NRXN1: variants seen among roughly 807,000 people sequenced by gnomAD.
The protein encoded by NRXN1 is neurexin 1, also known as neurexin-1.
Under a neutral mutation model 150.9 loss-of-function variants are expected in NRXN1, and 39 were observed. That is an observed-to-expected ratio of 0.26 (90% CI 0.20 to 0.34). The LOEUF (loss-of-function observed/expected upper bound fraction) is 0.34, where lower values mean the gene tolerates loss of function less well. Among genes scored for constraint, NRXN1 ranks in the 10% least tolerant of loss-of-function variants. NRXN1 has a pLI of 1.00. For missense variants in NRXN1, 1,815 were observed against 1,949.9 expected, an observed-to-expected ratio of 0.93 and a Z score of 1.30; for synonymous variants, 924 against 757.0, an observed-to-expected ratio of 1.22 and a Z score of -3.62.
intron 5 of NRXN1, among the ~76,000 whole-genome samples, chr2:50,838,381 T>A (rs192234533): frequency 6.6e-6 from 1 of 152,242 alleles, no homozygotes. Flanking sequence ...ATGTAATGTT[T>A]TAAATTTATC....
chr2:50,523,779 G>A (rs1204378420), intron 12 of NRXN1, among the ~76,000 whole-genome samples: 2 of 152,186 alleles, frequency 1.3e-5, no homozygotes, highest in African/African-American at 4.8e-5. Context: ...TCAAGTACTT[G>A]TCCTTAGATG....
chr2:50,823,947 A>G (rs1319058866), intron 5 of NRXN1, among the ~76,000 whole-genome samples: 1 of 152,174 alleles, frequency 6.6e-6, no homozygotes, highest in Admixed American at 6.6e-5. Context: ...AACACTACCC[A>G]ACATCTATGG....
intron 5 of NRXN1, among the ~76,000 whole-genome samples, chr2:50,847,782 C>T (rs1223403318): frequency 5.9e-5 from 9 of 152,146 alleles, no homozygotes; most frequent in Non-Finnish European, 1.3e-4. Flanking sequence ...CACCGACAGA[C>T]GTCGGCACAG....
At chr2:50,583,320 G>C (rs575669314) in intron 8 of NRXN1, among the ~76,000 whole-genome samples, 3 of 152,204 alleles carry the variant, frequency 2.0e-5, no homozygotes, top group African/African-American at 7.2e-5. Context: ...GGAATTACAG[G>C]TGTGAGCCAC....
At chr2:50,378,485 G>T (rs1293616528) in intron 17 of NRXN1, among the ~76,000 whole-genome samples, 1 of 152,084 alleles carries the variant, frequency 6.6e-6, no homozygotes, top group Non-Finnish European at 1.5e-5. Context: ...TAGAATTTCG[G>T]TTGCTTACCC....
chr2:49,986,637 T>C (rs1680960633), intron 21 of NRXN1, among the ~76,000 whole-genome samples: 1 of 152,234 alleles, frequency 6.6e-6, no homozygotes, highest in Non-Finnish European at 1.5e-5. Context: ...ATTTATGAGA[T>C]ACAGAGTGAT....
At chr2:50,319,268 T>C (rs1400035457) in intron 17 of NRXN1, among the ~76,000 whole-genome samples, 1 of 152,278 alleles carries the variant, frequency 6.6e-6, no homozygotes, top group Non-Finnish European at 1.5e-5. Context: ...AATTATATAT[T>C]GTAGTTGCAT....
At chr2:49,981,059 G>C (rs759719006) in intron 21 of NRXN1, among the ~76,000 whole-genome samples, 59 of 152,122 alleles carry the variant, frequency 3.9e-4, no homozygotes, top group Non-Finnish European at 5.9e-4. Context: ...TCAAAGATTA[G>C]TGGTGCCAAA....
chr2:50,192,602 CT>C (rs35789968), intron 18 of NRXN1, among the ~76,000 whole-genome samples: 10 of 144,192 alleles, frequency 6.9e-5, no homozygotes, highest in African/African-American at 2.3e-4. Context: ...AGAATATATA[CT>C]TTTTTTTGGG....
chr2:50,895,360 T>A (rs1405373167), intron 5 of NRXN1, among the ~76,000 whole-genome samples: 1 of 152,132 alleles, frequency 6.6e-6, no homozygotes, highest in East Asian at 1.9e-4. Flanking sequence ...ATTGGATATT[T>A]TTCCCCTTAC....
At chr2:50,265,995 ATTATTTATTTTTTT>A (rs1345204881) in intron 17 of NRXN1, among the ~76,000 whole-genome samples, 1 of 76,860 alleles carries the variant, frequency 1.3e-5, no homozygotes, top group African/African-American at 7.4e-5. Context: ...TATTATTATT[ATTATTTATTTTTTT>A]TTTTTTTGAG....
At chr2:50,272,529 T>A (rs893427672) in intron 17 of NRXN1, among the ~76,000 whole-genome samples, 5 of 152,088 alleles carry the variant, frequency 3.3e-5, no homozygotes, top group African/African-American at 1.2e-4. Flanking sequence ...GAGAATCTAG[T>A]TTCAATGAAG....
intron 17 of NRXN1, among the ~76,000 whole-genome samples, chr2:50,343,366 C>A (rs2077692531): frequency 6.6e-6 from 1 of 152,136 alleles, no homozygotes; most frequent in Non-Finnish European, 1.5e-5. Flanking sequence ...GCACACTGGT[C>A]TATTCTGGAC....
At chr2:50,527,583 T>C (rs2092989915) in intron 12 of NRXN1, among the ~76,000 whole-genome samples, 1 of 152,182 alleles carries the variant, frequency 6.6e-6, no homozygotes, top group South Asian at 2.1e-4. Context: ...ATATTAAATA[T>C]ATGTGGATAG....
At chr2:50,970,405 T>A (rs1052387353) in intron 2 of NRXN1, among the ~76,000 whole-genome samples, 8 of 152,238 alleles carry the variant, frequency 5.3e-5, no homozygotes, top group South Asian at 2.1e-4. Context: ...ATATTTTGTA[T>A]TATCAGGACA....
intron 18 of NRXN1, among the ~76,000 whole-genome samples, chr2:50,163,307 A>C (rs2059478939): frequency 6.6e-6 from 1 of 151,950 alleles, no homozygotes; most frequent in African/African-American, 2.4e-5. Context: ...AATGGCAATC[A>C]ATCATTAACC....
At chr2:50,973,885 T>C (rs987659907) in intron 2 of NRXN1, among the ~76,000 whole-genome samples, 4 of 152,160 alleles carry the variant, frequency 2.6e-5, no homozygotes, top group Admixed American at 1.3e-4. Flanking sequence ...TAGTGACTGA[T>C]TCAATTAACA....
chr2:50,903,078 T>C (rs1683171304), intron 5 of NRXN1, among the ~76,000 whole-genome samples: 1 of 152,160 alleles, frequency 6.6e-6, no homozygotes, highest in South Asian at 2.1e-4. Flanking sequence ...ATTGGGCATG[T>C]ATTCCCAACC....
At chr2:50,046,084 G>C (rs1416257224) in intron 21 of NRXN1, among the ~76,000 whole-genome samples, 1 of 152,160 alleles carries the variant, frequency 6.6e-6, no homozygotes, top group Non-Finnish European at 1.5e-5. Flanking sequence ...GACAACTGGG[G>C]AACAGACACA....
Sources: gnomAD v4.1 joint callset for allele counts (sites outside exome capture counted in the v4.1 genomes callset) on GRCh38, gnomAD v4.1.1 for gene constraint, MANE v1.5 for transcripts, NCBI Gene and HGNC (gene_info 2026-07-23, HGNC 2026-07-21) for gene names.